Variants in ST3GAL4 observed in about 807,000 individuals in gnomAD.
ST3GAL4 encodes the protein CMP-N-acetylneuraminate-beta-galactosamide-alpha-2,3-sialyltransferase 4.
Under a neutral mutation model 42.6 loss-of-function variants are expected in ST3GAL4, and 24 were observed. That is an observed-to-expected ratio of 0.56 (90% confidence interval 0.41 to 0.79). The LOEUF is 0.79. Among genes scored for constraint, ST3GAL4 ranks in the 30% least tolerant of loss-of-function variants. The probability of loss-of-function intolerance (pLI) is 0.00; values close to 1 mark genes in which losing one functional copy is unlikely to be tolerated. For synonymous variants in ST3GAL4, 135 were observed against 163.2 expected, an observed-to-expected ratio of 0.83 and a Z score of 1.32; for missense variants, 311 against 430.8, an observed-to-expected ratio of 0.72 and a Z score of 2.46.
chr11:126,393,747 G>A lies in ST3GAL4; in HGVS notation c.-60-12349G>A, dbSNP rs913572385. ...GAGATTTTCTAGCCCAACAGTGTCC[G>A]GTCAAAATAGAATGGGAGCCAGAAA... On this transcript the variant is annotated intron_variant, in intron 1 of 10. Transcript: ENST00000444328. This position sits in a 1 kb window ranked among gnomAD's most constrained non-coding sequence, Gnocchi z 5.9. 9.2e-5 allele frequency among the ~76,000 whole-genome samples: 14 copies of A among 152,092 alleles called. No homozygotes were observed. The East Asian group carries it at 1.7e-3, about 19-fold the overall frequency.
intron 1 of ST3GAL4, among the ~76,000 whole-genome samples, chr11:126,389,490 C>T (rs531825770): frequency 6.6e-6 from 1 of 152,326 alleles, no homozygotes; most frequent in African/African-American, 2.4e-5. Flanking sequence ...CAAGCACACA[C>T]TGTTTATACA....
intron 1 of ST3GAL4, among the ~76,000 whole-genome samples, chr11:126,377,629 C>T (rs749045596): frequency 3.3e-5 from 5 of 151,800 alleles, no homozygotes; most frequent in Non-Finnish European, 5.9e-5. Context: ...GGAATACAGG[C>T]GTGTGCCACC....
intron 1 of ST3GAL4, among the ~76,000 whole-genome samples, chr11:126,394,376 G>T (rs1330935654): frequency 1.6e-4 from 24 of 152,326 alleles, no homozygotes; most frequent in Admixed American, 1.3e-3. Context: ...TTCACCCTGA[G>T]AAGGGAATTC....
chr11:126,394,361 G>A (rs1953645245), intron 1 of ST3GAL4, among the ~76,000 whole-genome samples: 1 of 152,238 alleles, frequency 6.6e-6, no homozygotes, highest in African/African-American at 2.4e-5. Context: ...AGTGGCTTCA[G>A]CTTTTTCACC....
intron 1 of ST3GAL4, among the ~76,000 whole-genome samples, chr11:126,357,188 G>A (rs1261782051): frequency 6.6e-6 from 1 of 152,134 alleles, no homozygotes. Flanking sequence ...ACCGTTCCCT[G>A]CCCTGCTCCT....
rs1381904685 is a variant in ST3GAL4 at position 126,410,099 on chromosome 11, G to T, written c.771+688G>T. On this transcript the variant is annotated intron_variant, in intron 9 of 10. Transcript: ENST00000444328. This position sits in a 1 kb window ranked among gnomAD's most constrained non-coding sequence, Gnocchi z 5.3. Reference sequence around the variant, plus strand: ...TTTAAATTTTTTTGTAGAGATGGGGGTCTCACTGTGTTGCCCAGGCTGGTC... The same window carrying T: ...TTTAAATTTTTTTGTAGAGATGGGGTTCTCACTGTGTTGCCCAGGCTGGTC... 2.0e-5 allele frequency among the ~76,000 whole-genome samples: 3 copies of T among 152,126 alleles called. No homozygotes were observed. Among genetic ancestry groups the T allele is most frequent in the Admixed American group, 6.5e-5 (1 of 15,272 alleles).
At position 126,390,901 on chromosome 11, in the gene ST3GAL4, T is replaced by C. The variant is rs1440634879; in HGVS notation, c.-60-15195T>C. On this transcript the variant is annotated intron_variant, in intron 1 of 10. Transcript: ENST00000444328. ...ATTCTGCTTTCTGTGTCTGTGAGCT[T>C]GACTACTTTAAGTATCTATTCTAAA... 2.0e-5 allele frequency among the ~76,000 whole-genome samples: 3 copies of C among 152,224 alleles called. No individual in the cohort carries two copies. In the East Asian group the frequency reaches 5.8e-4, roughly 29 times the overall value.
In ST3GAL4 at chr11:126,396,884, T is replaced by A. The variant is rs1194321629; in HGVS notation, c.-60-9212T>A. Among the ~76,000 whole-genome samples the A allele has an allele frequency of 6.6e-6, 1 of 152,088 alleles. No individual in the cohort carries two copies. ...GAACTCACAGGGTCGAGATCATATTTAACACTTTCACAGCCCTTAGAAGTG... is the reference window on the plus strand; with the variant it reads ...GAACTCACAGGGTCGAGATCATATTAAACACTTTCACAGCCCTTAGAAGTG... On this transcript the variant is annotated intron_variant, in intron 1 of 10. Coordinates refer to ENST00000444328, the MANE Select transcript of ST3GAL4 (RefSeq NM_001254757.2). The surrounding 1 kb of genome is among the most constrained non-coding windows in gnomAD (Gnocchi z 5.8).
intron 1 of ST3GAL4, among the ~76,000 whole-genome samples, chr11:126,369,148 T>G (rs534501213): frequency 6.6e-6 from 1 of 152,206 alleles, no homozygotes; most frequent in Admixed American, 6.5e-5. Context: ...GTTCTAGGGC[T>G]TGAGATCAGC....
At chr11:126,413,449 G>C in intron 9 of ST3GAL4, 56 bp from the exon 10 acceptor site, 1 of 1,600,160 alleles carries the variant, frequency 6.2e-7, no homozygotes. Flanking sequence ...CGCTGGCAGA[G>C]ATGATGGTGG....
At chr11:126,407,492 T>A in intron 5 of ST3GAL4, 82 bp from the exon 6 acceptor site, 5 of 1,588,312 alleles carry the variant, frequency 3.1e-6, no homozygotes, top group Non-Finnish European at 4.3e-6. Context: ...CAGCCAGCGC[T>A]CTGAGGAGCA....
chr11:126,362,262 A>G (rs1310567190), intron 1 of ST3GAL4, among the ~76,000 whole-genome samples: 2 of 147,514 alleles, frequency 1.4e-5, no homozygotes, highest in African/African-American at 2.5e-5. Context: ...CAGTGGCACA[A>G]TCTCAGCTCA....
In ST3GAL4 at chr11:126,406,264, A is replaced by G. The variant is rs902430751; in HGVS notation, c.16+93A>G. The G allele has an allele frequency of 2.6e-6, 4 of 1,548,826 alleles. No homozygotes were observed. The highest frequency in any genetic ancestry group is 1.4e-5 in the African/African-American group (1 of 72,898). On this transcript the variant is annotated intron_variant, in intron 2 of 10. Coordinates refer to ENST00000444328, the MANE Select transcript of ST3GAL4 (RefSeq NM_001254757.2). The surrounding 1 kb of genome is among the most constrained non-coding windows in gnomAD (Gnocchi z 5.4). ...TGGGACCTCTGGGGGCTGTGGAGGGACAGACAGGGAGCCAGGGGCCCTTCT... is the reference window on the plus strand; with the variant it reads ...TGGGACCTCTGGGGGCTGTGGAGGGGCAGACAGGGAGCCAGGGGCCCTTCT...
intron 1 of ST3GAL4, among the ~76,000 whole-genome samples, chr11:126,404,305 G>A (rs1253343086): frequency 2.0e-5 from 3 of 152,182 alleles, no homozygotes; most frequent in Non-Finnish European, 4.4e-5. Context: ...TGACAGCAAG[G>A]AAACTGCAGG....
intron 1 of ST3GAL4, among the ~76,000 whole-genome samples, chr11:126,370,748 C>T (rs1952611881): frequency 6.6e-6 from 1 of 151,772 alleles, no homozygotes; most frequent in Non-Finnish European, 1.5e-5. Context: ...ACGATCTCGG[C>T]TCACTGCAAC....
chr11:126,409,267 G>A lies in ST3GAL4; in HGVS notation c.628-1G>A. The A allele has an allele frequency of 6.2e-7, 1 of 1,614,092 alleles. No homozygotes were observed. Among genetic ancestry groups the A allele is most frequent in the Non-Finnish European group, 8.5e-7 (1 of 1,179,964 alleles). On this transcript the variant is annotated splice_acceptor_variant, in intron 8 of 10. Coordinates refer to ENST00000444328, the MANE Select transcript of ST3GAL4 (RefSeq NM_001254757.2). LOFTEE classifies it high-confidence loss of function. The surrounding 1 kb of genome is among the most constrained non-coding windows in gnomAD (Gnocchi z 4.9). ...TCTCTCTTCTGACCCCATCCTCCTA[G>A]GTGCGAAAGGGTTTCTGGAAACAGC... is the stretch of plus-strand genomic sequence containing the variant.
chr11:126,390,555 A>G lies in ST3GAL4; in HGVS notation c.-60-15541A>G, dbSNP rs1005425457. Among the ~76,000 whole-genome samples, 7 of 149,716 alleles carry G rather than the reference A, an allele frequency of 4.7e-5. 1 individual carries two copies. Among genetic ancestry groups the G allele is most frequent in the Admixed American group, 4.7e-4 (7 of 15,046 alleles). On this transcript the variant is annotated intron_variant, in intron 1 of 10. Coordinates refer to ENST00000444328, the MANE Select transcript of ST3GAL4 (RefSeq NM_001254757.2). ...TCCCTGGTCACGAGTGAGCCTCAGCATCTTTTCATATGTCCACCAAGTGTT... is the reference window on the plus strand; with the variant it reads ...TCCCTGGTCACGAGTGAGCCTCAGCGTCTTTTCATATGTCCACCAAGTGTT...
In ST3GAL4 at chr11:126,407,360, A is replaced by C. The variant is rs2135546923; in HGVS notation, c.280+11A>C. On this transcript the variant is annotated intron_variant, in intron 5 of 10. Coordinates refer to ENST00000444328, the MANE Select transcript of ST3GAL4 (RefSeq NM_001254757.2). ...GGACCAAGGGGAGTGGTAAGTTCCTACCCGGCTCGTGGGAACCATGGGCTC... is the reference window on the plus strand; with the variant it reads ...GGACCAAGGGGAGTGGTAAGTTCCTCCCCGGCTCGTGGGAACCATGGGCTC... 1 of 1,613,328 alleles carries C rather than the reference A, an allele frequency of 6.2e-7. No homozygotes were observed. Among genetic ancestry groups the C allele is most frequent in the Non-Finnish European group, 8.5e-7 (1 of 1,179,412 alleles).
At chr11:126,390,618 C>CTTTTTTTTTTTTTTTTTTTTTTTTTTTT (rs58153137) in intron 1 of ST3GAL4, among the ~76,000 whole-genome samples, 4 of 126,686 alleles carry the variant, frequency 3.2e-5, no homozygotes, top group African/African-American at 6.4e-5. Context: ...GTGTTCTTTG[C>CTTTTTTTTTTTTTTTTTTTTTTTTTTTT]TTTTTTTTTT....
Sources: allele counts gnomAD v4.1 joint callset (sites outside exome capture counted in the v4.1 genomes callset), GRCh38; gene constraint gnomAD v4.1.1; non-coding constraint Gnocchi (gnomAD v3.1); transcripts MANE v1.5; gene names NCBI Gene and HGNC (gene_info 2026-07-23, HGNC 2026-07-21).